The following EHF variants were observed in gnomAD, a reference collection of about 807,000 sequenced individuals.
EHF encodes ETS homologous factor.
Under a neutral mutation model 45.1 loss-of-function variants are expected in EHF, and 14 were observed. The ratio of observed to expected loss-of-function variants is 0.31; its 90% confidence interval spans 0.21 to 0.49. The LOEUF is 0.49. Ranked by LOEUF, EHF falls within the 20% of genes least tolerant of loss-of-function variation. The pLI is 0.99. For synonymous variants in EHF, 136 were observed against 131.8 expected (o/e 1.03, Z -0.22); for missense variants, 282 against 371.4 (o/e 0.76, Z 1.98).
chr11:34,627,111 T>TG (rs1852439876), intron 1 of EHF, among the ~76,000 whole-genome samples: 3 of 56,376 alleles, frequency 5.3e-5, no homozygotes, highest in Admixed American at 2.1e-4. Flanking sequence ...GGGATTTTGG[T>TG]TTGTGTGTGT....
intron 1 of EHF, among the ~76,000 whole-genome samples, chr11:34,634,555 C>T (rs1195953283): frequency 3.3e-5 from 5 of 152,284 alleles, no homozygotes; most frequent in Admixed American, 6.5e-5. Context: ...AGATCTGCTC[C>T]GTGGCCCTGG....
At chr11:34,622,145 G>A (rs1852024472) in intron 1 of EHF, 1 of 222,958 alleles carries the variant, frequency 4.5e-6, no homozygotes. Flanking sequence ...GACTGATCTG[G>A]GAACAGTGGG....
At chr11:34,624,378 C>T (rs948267713) in intron 1 of EHF, 1 of 919,108 alleles carries the variant, frequency 1.1e-6, no homozygotes, top group Admixed American at 6.2e-5. Context: ...GCAGCCACAC[C>T]TTGCCCAGGT....
intron 2 of EHF, 134 bp from the exon 3 acceptor site, chr11:34,646,305 T>A: frequency 7.2e-7 from 1 of 1,395,230 alleles, no homozygotes; most frequent in Non-Finnish European, 9.8e-7. Flanking sequence ...TTCTGCTCCA[T>A]CACCCATGCT....
intron 1 of EHF, chr11:34,632,557 G>C (rs1275836461): frequency 6.5e-7 from 1 of 1,535,610 alleles, no homozygotes; most frequent in Admixed American, 2.0e-5. Context: ...CCAACTCCAC[G>C]TCCTAGTCAG....
chr11:34,651,841 A>G (rs772219893), intron 6 of EHF, 36 bp downstream of exon 6: 16 of 1,585,386 alleles, frequency 1.0e-5, no homozygotes. Context: ...GGGTATGCCT[A>G]ATGCTTAGGG....
chr11:34,622,490 A>C, intron 1 of EHF: 1 of 903,966 alleles, frequency 1.1e-6, no homozygotes, highest in Non-Finnish European at 1.5e-6. Context: ...TGTTAATTCC[A>C]CTGGGGTCAG....
At chr11:34,621,426 T>A (rs560401809) in intron 1 of EHF, among the ~76,000 whole-genome samples, 198 bp downstream of exon 1, 170 of 151,598 alleles carry the variant, frequency 1.1e-3, no homozygotes, top group Middle Eastern at 3.4e-3. Context: ...TTGGCTACTT[T>A]GGATATTATC....
intron 1 of EHF, among the ~76,000 whole-genome samples, chr11:34,631,049 G>T (rs1852846294): frequency 6.6e-6 from 1 of 152,038 alleles, no homozygotes. Flanking sequence ...TTTTATTTTT[G>T]AGATGGAGTC....
intron 1 of EHF, among the ~76,000 whole-genome samples, chr11:34,633,617 A>G (rs964879435): frequency 6.6e-6 from 1 of 152,196 alleles, no homozygotes; most frequent in Non-Finnish European, 1.5e-5. Flanking sequence ...TAGGTTGTCC[A>G]CAGAGGCCCA....
chr11:34,646,805 C>A, intron 3 of EHF, 121 bp downstream of exon 3: 1 of 1,296,476 alleles, frequency 7.7e-7, no homozygotes, highest in Non-Finnish European at 1.1e-6. Context: ...CTCCAAATTA[C>A]CATGTCCCAA....
At chr11:34,624,552 C>T (rs996030935) in intron 1 of EHF, among the ~76,000 whole-genome samples, 2 of 152,070 alleles carry the variant, frequency 1.3e-5, no homozygotes, top group Non-Finnish European at 2.9e-5. Context: ...TTAAATTGAA[C>T]GGGGTTTCAA....
intron 1 of EHF, 21 bp from the exon 2 acceptor site, chr11:34,642,607 G>A: frequency 6.6e-7 from 1 of 1,504,276 alleles, no homozygotes; most frequent in Non-Finnish European, 9.3e-7. Flanking sequence ...TGACTGAACA[G>A]GCTGTTTGAT....
In EHF at chr11:34,659,970, G is replaced by C. The variant is rs1021788718; in HGVS notation, c.*1039G>C. On this transcript the variant is annotated 3_prime_UTR_variant, in exon 9 of 9. Coordinates refer to ENST00000257831, the MANE Select transcript of EHF (RefSeq NM_012153.6). ...CTCTAGACATCACCAAATGTTCCCT[G>C]GGGGTGGCAAATTTGCCCTTGATTG... is the stretch of plus-strand genomic sequence containing the variant. The C allele has an allele frequency of 3.9e-5, 6 of 152,126 alleles. No individual in the cohort carries two copies. The highest frequency in any genetic ancestry group is 1.4e-4 in the African/African-American group (6 of 41,442). 9.4% of individuals were successfully genotyped at this position (152,126 alleles called of 1,614,324 possible). A position where few individuals can be genotyped will look rare whatever the true frequency, so the allele number is the denominator to read the frequency against.
chr11:34,629,717 C>T (rs1336188492), intron 1 of EHF, among the ~76,000 whole-genome samples: 1 of 152,098 alleles, frequency 6.6e-6, no homozygotes, highest in Admixed American at 6.6e-5. Context: ...TTCAGGCTCC[C>T]CCAATAACAT....
intron 6 of EHF, among the ~76,000 whole-genome samples, chr11:34,652,402 G>C (rs1347339044): frequency 6.6e-6 from 1 of 152,174 alleles, no homozygotes; most frequent in African/African-American, 2.4e-5. Context: ...GTTAAGCTTG[G>C]ATGCAACTGG....
intron 2 of EHF, among the ~76,000 whole-genome samples, chr11:34,645,234 C>T (rs1311639865): frequency 1.3e-5 from 2 of 152,098 alleles, no homozygotes; most frequent in African/African-American, 4.8e-5. Flanking sequence ...TTTAAGTGAG[C>T]ATGAGTCACA....
At chr11:34,635,438 C>T (rs964125848) in intron 1 of EHF, among the ~76,000 whole-genome samples, 2 of 142,878 alleles carry the variant, frequency 1.4e-5, no homozygotes, top group South Asian at 2.3e-4. Flanking sequence ...AGCCCCAATC[C>T]GAAACCTTAT....
chr11:34,646,348 G>C, intron 2 of EHF, 91 bp from the exon 3 acceptor site: 1 of 1,573,144 alleles, frequency 6.4e-7, no homozygotes, highest in South Asian at 1.2e-5. Context: ...GTGTCTCTGA[G>C]ATATCTGGCA....
Sources: allele counts gnomAD v4.1 joint callset (sites outside exome capture counted in the v4.1 genomes callset), GRCh38; gene constraint gnomAD v4.1.1; transcripts MANE v1.5; gene names NCBI Gene and HGNC (gene_info 2026-07-23, HGNC 2026-07-21).